FXN: variants seen among roughly 807,000 people sequenced by gnomAD.
FXN encodes the protein frataxin, mitochondrial.
A neutral mutation model predicts 22.4 loss-of-function variants in FXN; 14 were observed. The ratio of observed to expected loss-of-function variants is 0.62; its 90% CI spans 0.41 to 0.98. The LOEUF (loss-of-function observed/expected upper bound fraction) is 0.98, where lower values mean the gene tolerates loss of function less well. Among genes scored for constraint, FXN ranks in the 50% least tolerant of loss-of-function variants. FXN has a pLI of 0.00. For synonymous variants in FXN, 120 were observed against 114.1 expected (o/e 1.05, Z -0.33); for missense variants, 267 against 268.4 (o/e 0.99, Z 0.04).
intron 3 of FXN, among the ~76,000 whole-genome samples, chr9:69,060,179 T>G (rs1204332709): frequency 6.6e-6 from 1 of 152,036 alleles, no homozygotes; most frequent in Non-Finnish European, 1.5e-5. Flanking sequence ...CCATTCTGGC[T>G]AACACGGTGA....
Position 69,036,582 on chromosome 9 carries a change from C to T in FXN, c.165+635C>T, listed in dbSNP as rs2133088396. 1.3e-5 allele frequency among the ~76,000 whole-genome samples: 2 copies of T among 152,346 alleles called. 1 individual carries two copies. Among genetic ancestry groups the T allele is most frequent in the South Asian group, 4.1e-4 (2 of 4,830 alleles). On this transcript the variant is annotated intron_variant, in intron 1 of 4. Transcript: ENST00000484259. ...GCCCCACTCCGCAGAGCTGTGTGAC[C>T]TTGGGGGATTCCCCTAACCTCTCTG...
chr9:69,053,113 G>A (rs1255342464), intron 2 of FXN, 27 bp from the exon 3 acceptor site: 1 of 1,612,290 alleles, frequency 6.2e-7, no homozygotes. Context: ...TGGTAATCAT[G>A]TTTTGGGTTT....
At chr9:69,071,148 A>G in intron 4 of FXN, 1 of 518,646 alleles carries the variant, frequency 1.9e-6, no homozygotes, top group South Asian at 1.4e-5. Flanking sequence ...AGGGGTCTAG[A>G]GGTTACTCAG....
chr9:69,051,408 CTCTT>C (rs1470272424), intron 2 of FXN, among the ~76,000 whole-genome samples: 2 of 151,716 alleles, frequency 1.3e-5, no homozygotes. Flanking sequence ...TACGATCTGT[CTCTT>C]TCTTTTCTTT....
chr9:69,057,192 T>C (rs1831976315), intron 3 of FXN, among the ~76,000 whole-genome samples: 1 of 152,180 alleles, frequency 6.6e-6, no homozygotes, highest in Admixed American at 6.5e-5. Flanking sequence ...GGCCAAAACT[T>C]AAAATTTTTT....
At position 69,078,267 on chromosome 9, in the gene FXN, C is replaced by T; in HGVS notation, c.*5505C>T. ...ATGGTGCCACTGACAGTTATGCAAA[C>T]CGTCCAGAGCATAGCCACCTGATCC... On this transcript the variant is annotated 3_prime_UTR_variant, in exon 5 of 5. Coordinates refer to ENST00000484259, the MANE Select transcript of FXN (RefSeq NM_000144.5). The T allele has an allele frequency of 2.0e-6, 2 of 985,420 alleles. No individual in the cohort carries two copies. The highest frequency in any genetic ancestry group is 2.4e-6 in the Non-Finnish European group (2 of 829,936). The allele number at this position is 985,420 out of a possible 1,614,324, so 61.0% of individuals were successfully genotyped here.
At position 69,073,716 on chromosome 9, in the gene FXN, A is replaced by C; in HGVS notation, c.*954A>C. 1.0e-6 allele frequency: 1 copy of C among 985,410 alleles called. No individual in the cohort carries two copies. Among genetic ancestry groups the C allele is most frequent in the South Asian group, 4.7e-5 (1 of 21,284 alleles). The allele number at this position is 985,410 out of a possible 1,614,324, so 61.0% of individuals were successfully genotyped here. On this transcript the variant is annotated 3_prime_UTR_variant, in exon 5 of 5. Transcript: ENST00000484259. ...GCTTCCCCATCTGTTAAATGAGAGA[A>C]TAGAGTATGGTTGATTCCCAGCATT...
At chr9:69,049,051 G>A (rs1587819394) in intron 2 of FXN, among the ~76,000 whole-genome samples, 1 of 152,188 alleles carries the variant, frequency 6.6e-6, no homozygotes, top group African/African-American at 2.4e-5. Context: ...GCAGTTCTGG[G>A]AGGTTGCATA....
chr9:69,040,750 C>T lies in FXN; in HGVS notation c.165+4803C>T, dbSNP rs374359984. Among the ~76,000 whole-genome samples, 28 of 152,234 alleles carry T rather than the reference C, an allele frequency of 1.8e-4. 1 individual carries two copies. In the East Asian group the frequency reaches 4.8e-3, roughly 26 times the overall value. On this transcript the variant is annotated intron_variant, in intron 1 of 4. Coordinates refer to ENST00000484259, the MANE Select transcript of FXN (RefSeq NM_000144.5). The stretch of plus-strand genomic sequence containing the variant: ...TGCTATGGTCTGCATGTTTGTGTCA[C>T]CCCACCATTCATATGTTAAAACCTA...
At chr9:69,043,128 G>A (rs772534557) in intron 1 of FXN, among the ~76,000 whole-genome samples, 22 of 152,192 alleles carry the variant, frequency 1.4e-4, no homozygotes, top group Non-Finnish European at 3.1e-4. Flanking sequence ...GCAAAAAAAT[G>A]TGAGCTCCTC....
intron 2 of FXN, among the ~76,000 whole-genome samples, chr9:69,047,062 G>C (rs987195063): frequency 6.6e-6 from 1 of 152,212 alleles, no homozygotes; most frequent in South Asian, 2.1e-4. Flanking sequence ...TGTAAGGGAG[G>C]CTGGGAAATA....
chr9:69,061,654 A>T (rs901759253), intron 3 of FXN, among the ~76,000 whole-genome samples: 3 of 151,758 alleles, frequency 2.0e-5, no homozygotes, highest in African/African-American at 4.8e-5. Context: ...TAGCTCCTAA[A>T]GCTATCCCTC....
intron 1 of FXN, among the ~76,000 whole-genome samples, chr9:69,042,880 A>C (rs1208822361): frequency 2.0e-5 from 3 of 152,168 alleles, no homozygotes; most frequent in Non-Finnish European, 4.4e-5. Context: ...TCCACTGTGC[A>C]CAGACTCTGG....
Position 69,065,472 on chromosome 9 carries a change from T to C in FXN, c.482+437T>C, listed in dbSNP as rs557658002. Among the ~76,000 whole-genome samples the C allele has an allele frequency of 1.6e-4, 23 of 146,460 alleles. No homozygotes were observed. The South Asian group carries it at 3.2e-3, about 20-fold the overall frequency. ...TGAGCCTCAGCCTGAGCCCAGGAGGTGGAGGTTGCAGTGAGCCAAGATCGC... is the reference window on the plus strand; with the variant it reads ...TGAGCCTCAGCCTGAGCCCAGGAGGCGGAGGTTGCAGTGAGCCAAGATCGC... On this transcript the variant is annotated intron_variant, in intron 4 of 4. Coordinates refer to ENST00000484259, the MANE Select transcript of FXN (RefSeq NM_000144.5).
rs1036204960 is a variant in FXN, at chr9:69,061,354, G to A, written c.385-3584G>A. ...AGAGACATCAAGGCAGACAGGCGCC[G>A]CTCATCAGTGATGAGACCAGACCTG... On this transcript the variant is annotated intron_variant, in intron 3 of 4. Transcript: ENST00000484259. Among the ~76,000 whole-genome samples, 5 of 152,002 alleles carry A rather than the reference G, an allele frequency of 3.3e-5. No individual in the cohort carries two copies. In the East Asian group the frequency reaches 7.8e-4, roughly 24 times the overall value.
At chr9:69,059,110 A>C (rs1250095312) in intron 3 of FXN, among the ~76,000 whole-genome samples, 1 of 152,090 alleles carries the variant, frequency 6.6e-6, no homozygotes, top group Admixed American at 6.6e-5. Context: ...TGAGGTACAG[A>C]AACAGCCAGG....
Position 69,078,031 on chromosome 9 carries a change from G to T in FXN, c.*5269G>T, listed in dbSNP as rs80012734. The stretch of plus-strand genomic sequence containing the variant: ...TTCCCAATTACATTCCTTTCCTACC[G>T]CACTCTATGATGCTAGCTGAGATTT... On this transcript the variant is annotated 3_prime_UTR_variant, in exon 5 of 5. Coordinates refer to ENST00000484259, the MANE Select transcript of FXN (RefSeq NM_000144.5). 2 of 984,858 alleles carry T rather than the reference G, an allele frequency of 2.0e-6. No individual in the cohort carries two copies. The highest frequency in any genetic ancestry group is 3.5e-5 in the African/African-American group (2 of 57,188). 61.0% of individuals were successfully genotyped at this position (984,858 alleles called of 1,614,324 possible). A position where few individuals can be genotyped will look rare whatever the true frequency, so the allele number is the denominator to read the frequency against.
At chr9:69,058,351 A>G (rs1200774349) in intron 3 of FXN, among the ~76,000 whole-genome samples, 1 of 152,120 alleles carries the variant, frequency 6.6e-6, no homozygotes, top group East Asian at 1.9e-4. Flanking sequence ...CTGCCTGGAG[A>G]CTGTTAGAGT....
chr9:69,051,830 C>G (rs1269469145), intron 2 of FXN, among the ~76,000 whole-genome samples: 3 of 152,184 alleles, frequency 2.0e-5, no homozygotes, highest in Non-Finnish European at 4.4e-5. Flanking sequence ...ATAGCATTTA[C>G]TGAATCAGAA....
Sources: allele counts gnomAD v4.1 joint callset (sites outside exome capture counted in the v4.1 genomes callset), GRCh38; gene constraint gnomAD v4.1.1; transcripts MANE v1.5; gene names NCBI Gene and HGNC (gene_info 2026-07-23, HGNC 2026-07-21).